The following PDE4B variants were observed in gnomAD, a reference collection of about 807,000 sequenced individuals.
PDE4B encodes the protein 3',5'-cyclic-AMP phosphodiesterase 4B.
Under a neutral mutation model 82.2 loss-of-function variants are expected in PDE4B, and 20 were observed. That is an observed-to-expected ratio of 0.24 (90% CI 0.17 to 0.35). The LOEUF (loss-of-function observed/expected upper bound fraction) is 0.35. Among genes scored for constraint, PDE4B ranks in the 10% least tolerant of loss-of-function variants. PDE4B has a pLI of 1.00. For missense variants in PDE4B, 655 were observed against 907.2 expected, an observed-to-expected ratio of 0.72 and a Z score of 3.57; for synonymous variants, 320 against 318.9, an observed-to-expected ratio of 1.00 and a Z score of -0.04.
chr1:65,939,877 A>G (rs1648350264), intron 3 of PDE4B, among the ~76,000 whole-genome samples: 1 of 152,130 alleles, frequency 6.6e-6, no homozygotes, highest in Non-Finnish European at 1.5e-5. Flanking sequence ...CTAGAGCTGA[A>G]TATCTCATCC....
chr1:65,988,554 T>C (rs1007265565), intron 3 of PDE4B, among the ~76,000 whole-genome samples: 1 of 152,120 alleles, frequency 6.6e-6, no homozygotes, highest in Non-Finnish European at 1.5e-5. Flanking sequence ...AGGAACCAGC[T>C]AGTGAAATAA....
At chr1:66,066,737 G>A (rs952878726) in intron 3 of PDE4B, among the ~76,000 whole-genome samples, 3 of 151,818 alleles carry the variant, frequency 2.0e-5, no homozygotes, top group African/African-American at 7.2e-5. Context: ...CTAATCTCCT[G>A]AAGGCATAGC....
chr1:66,161,745 T>A (rs1428904451), intron 3 of PDE4B, among the ~76,000 whole-genome samples: 1 of 152,090 alleles, frequency 6.6e-6, no homozygotes, highest in Non-Finnish European at 1.5e-5. Context: ...CCTAGCTGTG[T>A]GTCCCAGGAT....
Position 66,027,295 on chromosome 1 carries a change from C to T in PDE4B, c.281+108460C>T, listed in dbSNP as rs150688570. On this transcript the variant is annotated intron_variant, in intron 3 of 16. Transcript: ENST00000341517. ...AGCAAAAGCAGAAACCCCCGATAAA[C>T]CCATCAGATTTTGTGAAACTTATTC... Among the ~76,000 whole-genome samples, 33 of 152,246 alleles carry T rather than the reference C, an allele frequency of 2.2e-4. 3 individuals are homozygous for T. Among genetic ancestry groups the T allele is most frequent in the East Asian group, 1.7e-3 (9 of 5,182 alleles).
chr1:66,213,077 A>G (rs969338350), intron 3 of PDE4B, among the ~76,000 whole-genome samples: 3 of 151,654 alleles, frequency 2.0e-5, no homozygotes, highest in African/African-American at 7.3e-5. Flanking sequence ...GGTTCTTCCC[A>G]TTTATTTTGT....
intron 3 of PDE4B, among the ~76,000 whole-genome samples, chr1:66,059,171 C>A (rs1327607842): frequency 6.6e-6 from 1 of 152,188 alleles, no homozygotes; most frequent in Non-Finnish European, 1.5e-5. Flanking sequence ...TAACAAGCAT[C>A]ACCTTTGCTC....
chr1:66,114,581 A>C (rs1645554239), intron 3 of PDE4B, among the ~76,000 whole-genome samples: 1 of 151,936 alleles, frequency 6.6e-6, no homozygotes, highest in Non-Finnish European at 1.5e-5. Flanking sequence ...CTCTGAAAAC[A>C]CAGACTATGT....
At chr1:65,876,559 GT>G (rs1646646302) in intron 1 of PDE4B, among the ~76,000 whole-genome samples, 1 of 152,068 alleles carries the variant, frequency 6.6e-6, no homozygotes, top group African/African-American at 2.4e-5. Context: ...GTCAGTGAGT[GT>G]TTAAATTCTT....
At chr1:66,034,134 C>T (rs1653945306) in intron 3 of PDE4B, among the ~76,000 whole-genome samples, 1 of 152,144 alleles carries the variant, frequency 6.6e-6, no homozygotes, top group Non-Finnish European at 1.5e-5. Context: ...GTATTTCTTT[C>T]TCCCTCTTTG....
At chr1:66,145,877 G>C (rs1162133584) in intron 3 of PDE4B, among the ~76,000 whole-genome samples, 1 of 152,262 alleles carries the variant, frequency 6.6e-6, no homozygotes, top group Middle Eastern at 3.4e-3. Flanking sequence ...CAAAGTGATA[G>C]TATCAGCCCT....
chr1:66,284,290 C>T lies in PDE4B; in HGVS notation c.634+18203C>T, dbSNP rs576322576. Among the ~76,000 whole-genome samples, 69 of 152,184 alleles carry T rather than the reference C, an allele frequency of 4.5e-4. No homozygotes were observed. In the South Asian group the frequency reaches 0.011, roughly 24 times the overall value. On this transcript the variant is annotated intron_variant, in intron 7 of 16. Transcript: ENST00000341517. The stretch of plus-strand genomic sequence containing the variant: ...TCCCATAGCTCGGTCATTCATTATA[C>T]GCCAAGTGTTCAGCCATTTCAGCTC...
At chr1:66,299,007 A>G (rs1402900026) in intron 7 of PDE4B, among the ~76,000 whole-genome samples, 1 of 152,158 alleles carries the variant, frequency 6.6e-6, no homozygotes, top group Admixed American at 6.6e-5. Context: ...ATATGTATAC[A>G]CTGCATAATG....
intron 3 of PDE4B, among the ~76,000 whole-genome samples, chr1:65,985,264 G>T (rs1256829365): frequency 2.0e-5 from 3 of 151,982 alleles, no homozygotes; most frequent in Admixed American, 2.0e-4. Flanking sequence ...ACACATAATG[G>T]ATCTCTGCAT....
intron 9 of PDE4B, 80 bp downstream of exon 9, chr1:66,355,700 C>G (rs1276366193): frequency 2.7e-6 from 2 of 749,360 alleles, no homozygotes; most frequent in Admixed American, 2.4e-5. Context: ...AGGACATCCT[C>G]ATGTGAATTT....
chr1:65,866,694 G>A (rs1405979714), intron 1 of PDE4B, among the ~76,000 whole-genome samples: 1 of 152,142 alleles, frequency 6.6e-6, no homozygotes, highest in African/African-American at 2.4e-5. Flanking sequence ...GACAACAGAG[G>A]AACATGTTAT....
chr1:66,274,346 T>C, intron 7 of PDE4B, among the ~76,000 whole-genome samples: 1 of 151,464 alleles, frequency 6.6e-6, no homozygotes, highest in Non-Finnish European at 1.5e-5. Context: ...TTTTTTTATA[T>C]ATTTTTAGTA....
rs535308157 is a variant in PDE4B at position 66,202,269 on chromosome 1, A to G, written c.282-45191A>G. Among the ~76,000 whole-genome samples the G allele has an allele frequency of 5.9e-5, 9 of 151,832 alleles. No individual in the cohort carries two copies. In the South Asian group the frequency reaches 1.7e-3, roughly 28 times the overall value. On this transcript the variant is annotated intron_variant, in intron 3 of 16. Transcript: ENST00000341517. ...GTTGAGGAGTGTTTTACTACCAACT[A>G]TGTGGTCAATTTTGGAATAGGGGTG...
At chr1:66,356,076 T>C (rs540063708) in intron 9 of PDE4B, among the ~76,000 whole-genome samples, 2 of 152,338 alleles carry the variant, frequency 1.3e-5, no homozygotes, top group South Asian at 4.1e-4. Flanking sequence ...AATAATTCTA[T>C]AGTGATTTGG....
intron 3 of PDE4B, among the ~76,000 whole-genome samples, chr1:66,190,729 C>T (rs1647716510): frequency 6.6e-6 from 1 of 152,116 alleles, no homozygotes; most frequent in Non-Finnish European, 1.5e-5. Flanking sequence ...TTCCAGGTGC[C>T]ATCTGTCACC....
Sources: allele counts gnomAD v4.1 joint callset (sites outside exome capture counted in the v4.1 genomes callset), GRCh38; gene constraint gnomAD v4.1.1; transcripts MANE v1.5; gene names NCBI Gene and HGNC (gene_info 2026-07-23, HGNC 2026-07-21).